Variants in ITPKB observed in about 807,000 individuals in gnomAD.
ITPKB encodes IP3 3-kinase B.
In ITPKB, 13 loss-of-function variants were observed where a neutral mutation model predicts 69.4. That is an observed-to-expected ratio of 0.19 (90% CI 0.12 to 0.30). The LOEUF is 0.30. Among genes scored for constraint, ITPKB ranks in the 10% least tolerant of loss-of-function variants. ITPKB has a pLI of 1.00. For missense variants in ITPKB, 1,240 were observed against 1,250.5 expected, an observed-to-expected ratio of 0.99 and a Z score of 0.13; for synonymous variants, 584 against 513.7, an observed-to-expected ratio of 1.14 and a Z score of -1.85.
chr1:226,678,039 G>A (rs778551964), intron 2 of ITPKB, among the ~76,000 whole-genome samples: 2 of 152,008 alleles, frequency 1.3e-5, no homozygotes, highest in African/African-American at 2.4e-5. Flanking sequence ...ACCATGAAAC[G>A]AAGGAATTAA....
At chr1:226,714,282 C>T (rs1490634748) in intron 2 of ITPKB, among the ~76,000 whole-genome samples, 2 of 152,366 alleles carry the variant, frequency 1.3e-5, no homozygotes, top group Non-Finnish European at 2.9e-5. Flanking sequence ...ACCATGTTCT[C>T]ATTCCCTCTG....
intron 2 of ITPKB, among the ~76,000 whole-genome samples, chr1:226,712,146 C>T (rs1656976709): frequency 6.6e-6 from 1 of 152,164 alleles, no homozygotes; most frequent in Admixed American, 6.5e-5. Context: ...CTTCCGGAGA[C>T]CTCAGAGCAT....
intron 2 of ITPKB, among the ~76,000 whole-genome samples, chr1:226,661,844 T>C (rs1364445303): frequency 2.6e-5 from 4 of 152,146 alleles, no homozygotes; most frequent in Admixed American, 1.3e-4. Context: ...GCCCAGCAGA[T>C]GTTAGCAGTA....
intron 2 of ITPKB, among the ~76,000 whole-genome samples, chr1:226,649,796 A>G (rs1669150307): frequency 6.6e-6 from 1 of 152,300 alleles, no homozygotes; most frequent in African/African-American, 2.4e-5. Context: ...GAAAATAAAT[A>G]AAATTAATAA....
rs1657807797 is a variant in ITPKB at position 226,737,130 on chromosome 1, C to G, written c.329G>C (p.Arg110Pro). The G allele has an allele frequency of 1.9e-6, 3 of 1,602,496 alleles. No homozygotes were observed. The highest frequency in any genetic ancestry group is 2.5e-6 in the Non-Finnish European group (3 of 1,179,616). The change falls in exon 2 of 8, where the codon CGG (arginine) becomes CCG (proline). Residue 110 changes from arginine (R) to proline (P), a missense_variant. Transcript: ENST00000429204. ...GGTACCGGCTGCCACCACCTGCTGC[C>G]GGTCCCCTCGCAGGCGACCAGCCCA... is the stretch of plus-strand genomic sequence containing the variant. ...PSWAGRLRGD[R>P]QQVVAAGTLS...
At chr1:226,650,059 A>G (rs968570679) in intron 2 of ITPKB, among the ~76,000 whole-genome samples, 3 of 152,062 alleles carry the variant, frequency 2.0e-5, no homozygotes, top group Non-Finnish European at 2.9e-5. Flanking sequence ...CTTGCAGAGG[A>G]GATGAGGGTG....
Position 226,688,389 on chromosome 1 carries a change from C to A in ITPKB, c.1933-39618G>T, listed in dbSNP as rs368081857. On this transcript the variant is annotated intron_variant, in intron 2 of 7. Transcript: ENST00000429204. ...ACCACCCCCACTCCTGACCGCCCCC[C>A]ATCAGGATTGTCTCGTGTGTTCAGG... Among the ~76,000 whole-genome samples, 9 of 152,178 alleles carry A rather than the reference C, an allele frequency of 5.9e-5. No homozygotes were observed. In the East Asian group the frequency reaches 1.7e-3, roughly 29 times the overall value.
At position 226,647,208 on chromosome 1, in the gene ITPKB, G is replaced by T. The variant is rs1381347610; in HGVS notation, c.2205C>A (p.Asp735Glu). The T allele has an allele frequency of 6.2e-7, 1 of 1,614,228 alleles. No homozygotes were observed. The highest frequency in any genetic ancestry group is 1.7e-5 in the Admixed American group (1 of 60,034). Residue 735 changes from aspartate (D) to glutamate (E), a missense_variant, in exon 4 of 8, where the codon GAC (aspartate) becomes GAA (glutamate). Asp to Glu is a conservative substitution (Grantham distance 45). Coordinates refer to ENST00000429204, the MANE Select transcript of ITPKB (RefSeq NM_002221.4). ...RYNQMDDLLA[D>E]FDSPCVMDCK... Reference sequence around the variant, plus strand: ...AGTCCATCACACAGGGCGAGTCGAAGTCGGCCAGCAGGTCGTCCATCTGGT... The same window carrying T: ...AGTCCATCACACAGGGCGAGTCGAATTCGGCCAGCAGGTCGTCCATCTGGT...
chr1:226,651,783 A>C (rs1026753681), intron 2 of ITPKB, among the ~76,000 whole-genome samples: 8 of 152,132 alleles, frequency 5.3e-5, no homozygotes, highest in African/African-American at 1.4e-4. Flanking sequence ...TCTAGAAAGG[A>C]GGGGGTGCTC....
chr1:226,703,364 C>A (rs1006268421), intron 2 of ITPKB, among the ~76,000 whole-genome samples: 1 of 152,252 alleles, frequency 6.6e-6, no homozygotes, highest in Admixed American at 6.5e-5. Flanking sequence ...GCCCTCAGCT[C>A]AGGCCCGGTT....
intron 2 of ITPKB, among the ~76,000 whole-genome samples, chr1:226,680,587 T>C (rs1282805814): frequency 6.6e-6 from 1 of 151,948 alleles, no homozygotes; most frequent in African/African-American, 2.4e-5. Context: ...TATCCCACAG[T>C]ACAAGAAGGA....
chr1:226,703,525 G>A (rs910151660), intron 2 of ITPKB, among the ~76,000 whole-genome samples: 1 of 151,998 alleles, frequency 6.6e-6, no homozygotes, highest in African/African-American at 2.4e-5. Flanking sequence ...CTCCTCCCGC[G>A]CGCGCTCTGC....
intron 2 of ITPKB, among the ~76,000 whole-genome samples, chr1:226,677,550 T>C (rs1290617085): frequency 6.6e-6 from 1 of 152,158 alleles, no homozygotes; most frequent in African/African-American, 2.4e-5. Flanking sequence ...ACATCCACCC[T>C]GAATATTGCT....
chr1:226,737,379 C>G lies in ITPKB; in HGVS notation c.80G>C (p.Gly27Ala). Residue 27 changes from glycine to alanine, a missense_variant, in exon 2 of 8, where the codon GGG (glycine) becomes GCG (alanine). Gly to Ala is a moderately conservative substitution (Grantham distance 60, BLOSUM62 0). Transcript: ENST00000429204. ...CGGGGGCGTCTCGCTGCCACTGGGC[C>G]CCGGGCCGCCGCCGCTCTTCATCTC... is the stretch of plus-strand genomic sequence containing the variant. ...ANEMKSGGGP[G>A]PSGSETPPPP... 6.2e-7 allele frequency: 1 copy of G among 1,609,454 alleles called. No individual in the cohort carries two copies. Among genetic ancestry groups the G allele is most frequent in the Non-Finnish European group, 8.5e-7 (1 of 1,179,290 alleles).
chr1:226,670,511 G>C (rs1289455872), intron 2 of ITPKB, among the ~76,000 whole-genome samples: 1 of 152,220 alleles, frequency 6.6e-6, no homozygotes, highest in East Asian at 1.9e-4. Flanking sequence ...AAACAAATTA[G>C]AGGCACATCC....
At chr1:226,702,047 G>C (rs1267526553) in intron 2 of ITPKB, among the ~76,000 whole-genome samples, 1 of 152,156 alleles carries the variant, frequency 6.6e-6, no homozygotes, top group Non-Finnish European at 1.5e-5. Flanking sequence ...GGAAGAGAGA[G>C]ACAAGAAAAT....
chr1:226,698,473 C>T (rs897706953), intron 2 of ITPKB, among the ~76,000 whole-genome samples: 2 of 152,232 alleles, frequency 1.3e-5, no homozygotes, highest in African/African-American at 4.8e-5. Flanking sequence ...CTTCACGTTT[C>T]ATTTTGCCTC....
In ITPKB at chr1:226,736,492, G is replaced by A. The variant is rs776283583; in HGVS notation, c.967C>T (p.Leu323Phe). The change falls in exon 2 of 8, where the codon CTC becomes TTC. Residue 323 changes from leucine to phenylalanine, a missense_variant. Leu to Phe is a conservative substitution (Grantham distance 22). Around this residue, in one of 2 missense-constraint regions of ITPKB, gnomAD observed 992 missense variants for 853.8 expected, o/e 1.16. Transcript: ENST00000429204. Reference protein sequence around the residue: ...TGPHRPQDLALTEPSGRAREL... With the variant: ...TGPHRPQDLAFTEPSGRAREL... ...CGGGCTCTCCCAGACGGCTCAGTGAGGGCAAGATCCTGTGGACGGTGTGGC... is the reference window on the plus strand; with the variant it reads ...CGGGCTCTCCCAGACGGCTCAGTGAAGGCAAGATCCTGTGGACGGTGTGGC... 6.2e-7 allele frequency: 1 copy of A among 1,613,890 alleles called. No individual in the cohort carries two copies. Among genetic ancestry groups the A allele is most frequent in the Non-Finnish European group, 8.5e-7 (1 of 1,180,052 alleles).
At chr1:226,731,322 A>G (rs1240621213) in intron 2 of ITPKB, among the ~76,000 whole-genome samples, 3 of 152,212 alleles carry the variant, frequency 2.0e-5, no homozygotes, top group Admixed American at 6.5e-5. Context: ...TATGGTACTG[A>G]TGATTTATTT....
Sources: gnomAD v4.1 joint callset for allele counts (sites outside exome capture counted in the v4.1 genomes callset) on GRCh38, gnomAD v4.1.1 for gene constraint, gnomAD v4.1.1 regional missense constraint, MANE v1.5 for transcripts, NCBI Gene and HGNC (gene_info 2026-07-23, HGNC 2026-07-21) for gene names.